The following PPM1B variants were observed in gnomAD, a reference collection of about 807,000 sequenced individuals.
PPM1B encodes protein phosphatase, Mg2+/Mn2+ dependent 1B, also known as protein phosphatase 1B.
Under a neutral mutation model 43.0 loss-of-function variants are expected in PPM1B, and 22 were observed. The ratio of observed to expected loss-of-function variants is 0.51; its 90% CI spans 0.37 to 0.73. The LOEUF (loss-of-function observed/expected upper bound fraction) is 0.73. Ranked by LOEUF, PPM1B falls within the 30% of genes least tolerant of loss-of-function variation. The probability of loss-of-function intolerance (pLI) is 0.00; values close to 1 mark genes in which losing one functional copy is unlikely to be tolerated. For missense variants in PPM1B, 632 were observed against 584.2 expected (o/e 1.08, Z -0.84); for synonymous variants, 217 against 197.9 (o/e 1.10, Z -0.81).
intron 1 of PPM1B, among the ~76,000 whole-genome samples, chr2:44,189,657 G>A (rs1217341217): frequency 6.6e-6 from 1 of 152,094 alleles, no homozygotes; most frequent in Admixed American, 6.5e-5. Context: ...TAGAGATGGG[G>A]TTTCGCCATG....
At chr2:44,212,248 A>G (rs1433176978) in intron 3 of PPM1B, among the ~76,000 whole-genome samples, 1 of 152,172 alleles carries the variant, frequency 6.6e-6, no homozygotes, top group African/African-American at 2.4e-5. Context: ...TACAGGATTT[A>G]TTATAGTTTT....
intron 1 of PPM1B, among the ~76,000 whole-genome samples, chr2:44,188,532 GA>G (rs1186343291): frequency 6.6e-6 from 1 of 151,654 alleles, no homozygotes; most frequent in Non-Finnish European, 1.5e-5. Context: ...AATTGGCTGG[GA>G]TCACAGGCAC....
intron 5 of PPM1B, among the ~76,000 whole-genome samples, chr2:44,242,049 G>T (rs1447017643): frequency 6.6e-6 from 1 of 151,440 alleles, no homozygotes; most frequent in Non-Finnish European, 1.5e-5. Context: ...TAGTAGAGAC[G>T]GGGTTTCACA....
chr2:44,192,801 A>G (rs529803921), intron 1 of PPM1B, among the ~76,000 whole-genome samples: 3 of 152,316 alleles, frequency 2.0e-5, no homozygotes, highest in South Asian at 4.1e-4. Flanking sequence ...GTCACATGCA[A>G]GTGAGAATAT....
At position 44,231,066 on chromosome 2, in the gene PPM1B, A is replaced by C. The variant is rs1459245450; in HGVS notation, c.*348A>C. ...ATATTATGGAAAAACTTGTTAATGT[A>C]GAATTATACTGCTTCATATTATTTT... On this transcript the variant is annotated 3_prime_UTR_variant, in exon 6 of 6. Coordinates refer to ENST00000282412, the MANE Select transcript of PPM1B (RefSeq NM_002706.6). The C allele has an allele frequency of 6.6e-6, 6 of 909,932 alleles. No individual in the cohort carries two copies. The highest frequency in any genetic ancestry group is 7.9e-6 in the Non-Finnish European group (6 of 757,188). The allele number at this position is 909,932 out of a possible 1,614,324, so 56.4% of individuals were successfully genotyped here.
intron 5 of PPM1B, 136 bp from the exon 6 acceptor site, chr2:44,230,277 A>G: frequency 6.1e-6 from 9 of 1,483,110 alleles, no homozygotes; most frequent in South Asian, 1.4e-5. Flanking sequence ...AAGAATTGAT[A>G]TTTAATAAAA....
chr2:44,244,277 A>T, exon 6 of PPM1B: 1 of 1,361,238 alleles, frequency 7.3e-7, no homozygotes, highest in Non-Finnish European at 9.8e-7. Context: ...AGCTCTGGTG[A>T]CAAGAAAGGC....
At position 44,241,912 on chromosome 2, in the gene PPM1B, G is replaced by A. The variant is rs1670754703; in HGVS notation, n.1547-2316G>A. On this transcript the variant is annotated intron_variant and non_coding_transcript_variant, in intron 5 of 5. Transcript: ENST00000378540. The stretch of plus-strand genomic sequence containing the variant: ...CTCGCACTCTCGTCCAGGCTGGAGA[G>A]CAGTGGCGCGATCTCAGCTCACTGC... Among the ~76,000 whole-genome samples, 3 of 118,452 alleles carry A rather than the reference G, an allele frequency of 2.5e-5. No homozygotes were observed. The Admixed American group carries it at 4.0e-4, about 16-fold the overall frequency. The allele number at this position is 118,452 out of a possible 152,430, so 77.7% of individuals were successfully genotyped here. A position where few individuals can be genotyped will look rare whatever the true frequency, so the allele number is the denominator to read the frequency against.
At chr2:44,194,373 G>A (rs1668555608) in intron 1 of PPM1B, among the ~76,000 whole-genome samples, 1 of 152,158 alleles carries the variant, frequency 6.6e-6, no homozygotes, top group Non-Finnish European at 1.5e-5. Flanking sequence ...AATTTCCTCA[G>A]AGAGCAATAG....
At chr2:44,209,923 C>T (rs954275238) in intron 3 of PPM1B, among the ~76,000 whole-genome samples, 1 of 152,180 alleles carries the variant, frequency 6.6e-6, no homozygotes, top group Admixed American at 6.5e-5. Flanking sequence ...GTCTGTTTCA[C>T]CACCAAAGAG....
At chr2:44,192,215 T>TGTATC (rs1558400477) in intron 1 of PPM1B, among the ~76,000 whole-genome samples, 1 of 151,804 alleles carries the variant, frequency 6.6e-6, no homozygotes, top group Non-Finnish European at 1.5e-5. Flanking sequence ...TGTATTGTAT[T>TGTATC]GTATTGTATT....
chr2:44,229,407 A>T (rs1012588924), intron 5 of PPM1B, among the ~76,000 whole-genome samples: 2 of 152,196 alleles, frequency 1.3e-5, no homozygotes, highest in Non-Finnish European at 2.9e-5. Context: ...CAAGTTTATC[A>T]ATCAAGCACA....
intron 1 of PPM1B, among the ~76,000 whole-genome samples, chr2:44,196,120 A>G (rs901898282): frequency 1.3e-5 from 2 of 152,172 alleles, no homozygotes; most frequent in African/African-American, 2.4e-5. Flanking sequence ...AAAGCCCATA[A>G]AGCCCATTCT....
downstream of PPM1B, among the ~76,000 whole-genome samples, chr2:44,246,239 C>T (rs1373984357): frequency 6.6e-6 from 1 of 152,150 alleles, no homozygotes; most frequent in Admixed American, 6.6e-5. Flanking sequence ...CTATTTAACA[C>T]CGAAATATTG....
intron 5 of PPM1B, 132 bp from the exon 6 acceptor site, chr2:44,230,281 A>G (rs1165024616): frequency 6.7e-7 from 1 of 1,487,744 alleles, no homozygotes; most frequent in African/African-American, 1.4e-5. Context: ...ATTGATATTT[A>G]ATAAAATGTT....
At chr2:44,182,927 T>C (rs1233285716) in intron 1 of PPM1B, among the ~76,000 whole-genome samples, 2 of 152,218 alleles carry the variant, frequency 1.3e-5, no homozygotes. Flanking sequence ...TTATGGGATC[T>C]AGATTGCTCC....
At chr2:44,215,376 T>C (rs1316013577) in intron 3 of PPM1B, among the ~76,000 whole-genome samples, 1 of 152,154 alleles carries the variant, frequency 6.6e-6, no homozygotes, top group Non-Finnish European at 1.5e-5. Context: ...GAGGATCACT[T>C]GAGTCCAGGA....
intron 5 of PPM1B, among the ~76,000 whole-genome samples, chr2:44,224,624 A>C (rs1276675423): frequency 6.6e-6 from 1 of 151,752 alleles, no homozygotes; most frequent in African/African-American, 2.4e-5. Context: ...TCTATGTCTT[A>C]TTTGGTGTAA....
chr2:44,230,878 T>G lies in PPM1B; in HGVS notation c.*160T>G, dbSNP rs890416824. 1.5e-6 allele frequency: 2 copies of G among 1,377,788 alleles called. No individual in the cohort carries two copies. The highest frequency in any genetic ancestry group is 2.9e-5 in the African/African-American group (2 of 68,260). The allele number at this position is 1,377,788 out of a possible 1,614,324, so 85.3% of individuals were successfully genotyped here. A position where few individuals can be genotyped will look rare whatever the true frequency, so the allele number is the denominator to read the frequency against. ...TTAAAAAGGCCTTTGCATACACCTT[T>G]ATGAGATAGTGTAAAATTGACTATT... On this transcript the variant is annotated 3_prime_UTR_variant, in exon 6 of 6. Coordinates refer to ENST00000282412, the MANE Select transcript of PPM1B (RefSeq NM_002706.6).
Sources: gnomAD v4.1 joint callset for allele counts (sites outside exome capture counted in the v4.1 genomes callset) on GRCh38, gnomAD v4.1.1 for gene constraint, MANE v1.5 for transcripts, NCBI Gene and HGNC (gene_info 2026-07-23, HGNC 2026-07-21) for gene names.